SLC16A10: variants seen among roughly 807,000 people sequenced by gnomAD.
SLC16A10 encodes monocarboxylate transporter 10.
SLC16A10 carries 27 observed loss-of-function variants against 40.0 expected under a neutral mutation model. That is an observed-to-expected ratio of 0.67 (90% CI 0.50 to 0.93). The LOEUF (loss-of-function observed/expected upper bound fraction) is 0.93, where lower values mean the gene tolerates loss of function less well. Among genes scored for constraint, SLC16A10 ranks in the 40% least tolerant of loss-of-function variants. SLC16A10 has a pLI of 0.00. For synonymous variants in SLC16A10, 213 were observed against 249.8 expected, an observed-to-expected ratio of 0.85 and a Z score of 1.39; for missense variants, 529 against 658.2, an observed-to-expected ratio of 0.80 and a Z score of 2.15.
intron 1 of SLC16A10, among the ~76,000 whole-genome samples, chr6:111,088,660 T>G (rs1250462100): frequency 6.6e-6 from 1 of 152,094 alleles, no homozygotes; most frequent in Non-Finnish European, 1.5e-5. Flanking sequence ...CCCCCCGCCT[T>G]TTTTTGCCCT....
At chr6:111,189,061 T>C (rs180902947) in intron 3 of SLC16A10, among the ~76,000 whole-genome samples, 353 of 152,356 alleles carry the variant, frequency 2.3e-3, no homozygotes, top group Non-Finnish European at 4.6e-3. Flanking sequence ...CATTTGAGTA[T>C]CTATTGTGTG....
chr6:111,131,352 C>T (rs886745839), intron 1 of SLC16A10, among the ~76,000 whole-genome samples: 1 of 152,168 alleles, frequency 6.6e-6, no homozygotes, highest in Non-Finnish European at 1.5e-5. Context: ...CTGTATGGCC[C>T]AAGGTTCCAT....
At chr6:111,145,407 AATAG>A (rs1427325477) in intron 1 of SLC16A10, among the ~76,000 whole-genome samples, 4 of 152,136 alleles carry the variant, frequency 2.6e-5, no homozygotes, top group Admixed American at 6.5e-5. Context: ...TCTCAAAATA[AATAG>A]ATAGATAATA....
intron 1 of SLC16A10, among the ~76,000 whole-genome samples, chr6:111,102,812 C>T (rs9400467): frequency 0.69 from 105,620 of 152,088 alleles, 36,743 homozygotes; most frequent in South Asian, 0.76. Context: ...GTGCTATCAC[C>T]TTGCATCAAC....
intron 3 of SLC16A10, among the ~76,000 whole-genome samples, chr6:111,196,577 G>A (rs1253994326): frequency 1.3e-5 from 2 of 152,150 alleles, no homozygotes; most frequent in Non-Finnish European, 2.9e-5. Flanking sequence ...GAGAGGCCAA[G>A]GTGGGAGGAT....
intron 1 of SLC16A10, among the ~76,000 whole-genome samples, chr6:111,092,766 G>C (rs541640627): frequency 6.6e-6 from 1 of 151,842 alleles, no homozygotes; most frequent in Non-Finnish European, 1.5e-5. Flanking sequence ...TGGGCTGGGC[G>C]CAGTGGCTCA....
chr6:111,218,729 T>G (rs1770827805), intron 4 of SLC16A10, 85 bp from the exon 5 acceptor site: 2 of 1,113,336 alleles, frequency 1.8e-6, no homozygotes, highest in Admixed American at 3.5e-5. Flanking sequence ...GAACCAGTAA[T>G]GACTTAGAAG....
intron 1 of SLC16A10, among the ~76,000 whole-genome samples, chr6:111,088,497 T>C (rs770422247): frequency 4.6e-5 from 7 of 152,130 alleles, no homozygotes; most frequent in East Asian, 1.9e-4. Context: ...ATGCCAGTTA[T>C]GTAGTTCTTC....
At chr6:111,098,306 C>CA (rs968283616) in intron 1 of SLC16A10, among the ~76,000 whole-genome samples, 25 of 149,870 alleles carry the variant, frequency 1.7e-4, no homozygotes, top group South Asian at 2.1e-4. Flanking sequence ...AACTCAGTCT[C>CA]AAAAAAAAAG....
chr6:111,100,992 C>A (rs10872065), intron 1 of SLC16A10, among the ~76,000 whole-genome samples: 18,066 of 65,086 alleles, frequency 0.28, 1,924 homozygotes, highest in Non-Finnish European at 0.32. Context: ...CTCTCTCTCT[C>A]TATATATATA....
chr6:111,179,020 C>CT (rs935785183), intron 3 of SLC16A10, among the ~76,000 whole-genome samples: 2 of 151,792 alleles, frequency 1.3e-5, no homozygotes, highest in Non-Finnish European at 2.9e-5. Context: ...AATTCTTTTT[C>CT]TTTTTTTTCT....
At chr6:111,141,292 C>T (rs887055107) in intron 1 of SLC16A10, among the ~76,000 whole-genome samples, 16 of 152,062 alleles carry the variant, frequency 1.1e-4, no homozygotes, top group African/African-American at 3.9e-4. Context: ...GTAACAAGAT[C>T]TAGTCACAGT....
At chr6:111,116,781 C>G (rs1400074547) in intron 1 of SLC16A10, among the ~76,000 whole-genome samples, 1 of 152,048 alleles carries the variant, frequency 6.6e-6, no homozygotes, top group East Asian at 1.9e-4. Context: ...ATTTCTCCCC[C>G]CACTATTGGT....
intron 2 of SLC16A10, among the ~76,000 whole-genome samples, chr6:111,176,854 G>A (rs528720411): frequency 4.4e-4 from 67 of 152,248 alleles, no homozygotes; most frequent in African/African-American, 1.6e-3. Context: ...TTGAATCACT[G>A]TTGATTTTAC....
chr6:111,090,245 G>C (rs756281787), intron 1 of SLC16A10, among the ~76,000 whole-genome samples: 14 of 152,158 alleles, frequency 9.2e-5, no homozygotes, highest in Admixed American at 2.0e-4. Flanking sequence ...TTGCACAGGT[G>C]TGCTAGTTAA....
intron 1 of SLC16A10, among the ~76,000 whole-genome samples, chr6:111,139,397 G>A (rs1771940820): frequency 6.6e-6 from 1 of 152,048 alleles, no homozygotes; most frequent in South Asian, 2.1e-4. Context: ...TGCCTCCTGG[G>A]TTCAAGTGAT....
chr6:111,193,945 G>A (rs1773038102), intron 3 of SLC16A10, among the ~76,000 whole-genome samples: 1 of 152,194 alleles, frequency 6.6e-6, no homozygotes. Context: ...GTACATTGGG[G>A]AGTTTTGTGT....
chr6:111,185,435 T>C (rs955250881), intron 3 of SLC16A10, among the ~76,000 whole-genome samples: 6 of 152,218 alleles, frequency 3.9e-5, no homozygotes, highest in African/African-American at 1.4e-4. Context: ...ACTCAGAGCA[T>C]GCTTCACAGC....
chr6:111,182,809 G>T (rs1772825951), intron 3 of SLC16A10, among the ~76,000 whole-genome samples: 1 of 152,082 alleles, frequency 6.6e-6, no homozygotes, highest in Non-Finnish European at 1.5e-5. Flanking sequence ...GTCATCCTTG[G>T]CTCTTCTTTC....
Sources: allele counts gnomAD v4.1 joint callset (sites outside exome capture counted in the v4.1 genomes callset), GRCh38; gene constraint gnomAD v4.1.1; transcripts MANE v1.5; gene names NCBI Gene and HGNC (gene_info 2026-07-23, HGNC 2026-07-21).